Variants in CFAP45 observed in about 807,000 individuals in gnomAD.
CFAP45 encodes cilia- and flagella-associated protein 45.
Under a neutral mutation model 75.6 loss-of-function variants are expected in CFAP45, and 43 were observed. That is an observed-to-expected ratio of 0.57 (90% CI 0.45 to 0.73). CFAP45 has a LOEUF of 0.73. Ranked by LOEUF, CFAP45 falls within the 30% of genes least tolerant of loss-of-function variation. The pLI is 0.00. For missense variants in CFAP45, 689 were observed against 701.5 expected (o/e 0.98, Z 0.20); for synonymous variants, 223 against 244.6 (o/e 0.91, Z 0.82).
intron 6 of CFAP45, 123 bp downstream of exon 6, chr1:159,886,388 T>C (rs1452747076): frequency 7.8e-6 from 7 of 896,082 alleles, no homozygotes; most frequent in African/African-American, 3.3e-5. Context: ...TCGTAAAGTT[T>C]TGAGATAATA....
At chr1:159,890,857 C>G (rs1649812546) in intron 2 of CFAP45, among the ~76,000 whole-genome samples, 1 of 147,234 alleles carries the variant, frequency 6.8e-6, no homozygotes, top group Admixed American at 7.1e-5. Flanking sequence ...CTCCCGGGTT[C>G]AAGCAATTCT....
At chr1:159,893,415 A>C in intron 1 of CFAP45, 110 bp from the exon 2 acceptor site, 1 of 1,047,436 alleles carries the variant, frequency 9.5e-7, no homozygotes, top group Non-Finnish European at 1.5e-6. Flanking sequence ...CATGTGAAAA[A>C]GAAACAGTTA....
intron 2 of CFAP45, among the ~76,000 whole-genome samples, chr1:159,892,492 A>C (rs1366636919): frequency 6.6e-6 from 1 of 152,156 alleles, no homozygotes; most frequent in Non-Finnish European, 1.5e-5. Context: ...CCACTGGCAG[A>C]GGCATTCAGG....
chr1:159,872,620 G>A, intron 11 of CFAP45, 57 bp from the exon 12 acceptor site: 1 of 1,473,520 alleles, frequency 6.8e-7, no homozygotes, highest in Non-Finnish European at 9.5e-7. Context: ...CAGGAGGTGG[G>A]AGGAAGCAGG....
intron 10 of CFAP45, among the ~76,000 whole-genome samples, chr1:159,874,785 A>G (rs539569773): frequency 2.0e-5 from 3 of 152,352 alleles, no homozygotes; most frequent in East Asian, 3.9e-4. Context: ...CTAATCCCAG[A>G]CCATTTAAAT....
At chr1:159,881,635 A>G (rs1038056658) in intron 7 of CFAP45, among the ~76,000 whole-genome samples, 5 of 152,242 alleles carry the variant, frequency 3.3e-5, no homozygotes, top group Non-Finnish European at 7.3e-5. Flanking sequence ...GGCATGTGAG[A>G]AAGGAAAGAA....
intron 7 of CFAP45, among the ~76,000 whole-genome samples, chr1:159,881,893 C>A (rs1184213334): frequency 1.3e-5 from 2 of 152,210 alleles, no homozygotes; most frequent in Non-Finnish European, 2.9e-5. Flanking sequence ...GATTAACTCA[C>A]CCCACCTCCC....
chr1:159,872,845 C>A, intron 11 of CFAP45, 99 bp downstream of exon 11: 1 of 1,187,778 alleles, frequency 8.4e-7, no homozygotes. Context: ...GCATCTCTGC[C>A]ATGGCCCTTC....
At position 159,886,546 on chromosome 1, in the gene CFAP45, C is replaced by G. The variant is rs762263186; in HGVS notation, c.732G>C (p.Glu244Asp). 2 of 1,614,164 alleles carry G rather than the reference C, an allele frequency of 1.2e-6. No homozygotes were observed. The highest frequency in any genetic ancestry group is 1.7e-6 in the Non-Finnish European group (2 of 1,180,022). ...CCTCCCTCCTCTTCCTCTCCAGTTC[C>G]TCCTGCCTTTGAATGGATTTCTGCC... ...VERQKSIQRQ[E>D]ELERKRREER... Residue 244 changes from glutamate (E) to aspartate (D), a missense_variant, in exon 6 of 12, where the codon GAG (glutamate) becomes GAC (aspartate). Transcript: ENST00000368099.
intron 1 of CFAP45, among the ~76,000 whole-genome samples, chr1:159,899,780 T>A (rs887061457): frequency 5.9e-5 from 9 of 152,098 alleles, no homozygotes; most frequent in Admixed American, 5.2e-4. Flanking sequence ...CAGTGCTTTT[T>A]CCCACACCAC....
At chr1:159,900,072 G>C (rs542687245) in intron 1 of CFAP45, 24 bp downstream of exon 1, 4 of 1,613,882 alleles carry the variant, frequency 2.5e-6, no homozygotes, top group Non-Finnish European at 3.4e-6. Context: ...GGACACAAGG[G>C]GCCCATCTGA....
intron 3 of CFAP45, among the ~76,000 whole-genome samples, chr1:159,889,995 C>A (rs899321072): frequency 3.9e-5 from 6 of 152,176 alleles, no homozygotes; most frequent in Admixed American, 6.5e-5. Context: ...TGAGCTAATC[C>A]CAAAGGAACC....
chr1:159,899,430 C>A (rs867474825), intron 1 of CFAP45, among the ~76,000 whole-genome samples: 36 of 150,140 alleles, frequency 2.4e-4, no homozygotes, highest in Middle Eastern at 3.5e-3. Context: ...AAAACAGGTA[C>A]CACGACCCAT....
chr1:159,887,973 C>A lies in CFAP45; in HGVS notation c.456G>T (p.Lys152Asn), dbSNP rs754324447. 90 of 1,614,112 alleles carry A rather than the reference C, an allele frequency of 5.6e-5. 2 individuals are homozygous for A. The South Asian group carries it at 9.8e-4, about 18-fold the overall frequency. ...VMTRKKIMKQ[K>N]EMVWNNNKKL... ...TCTTGTTGTTGTTCCACACCATCTCCTTCTGTTTCATGATCTTCTTTCGTG... is the reference window on the plus strand; with the variant it reads ...TCTTGTTGTTGTTCCACACCATCTCATTCTGTTTCATGATCTTCTTTCGTG... The change falls in exon 5 of 12, where the codon AAG (lysine) becomes AAT (asparagine). Residue 152 changes from lysine to asparagine, a missense_variant. By Grantham distance (94) the Lys-to-Asn change is moderately conservative. Transcript: ENST00000368099.
intron 1 of CFAP45, chr1:159,898,254 G>C: frequency 1.0e-6 from 1 of 985,100 alleles, no homozygotes; most frequent in Non-Finnish European, 1.2e-6. Flanking sequence ...CTTCAATTGG[G>C]ACCAAGTTGG....
chr1:159,892,641 G>C (rs929987169), intron 2 of CFAP45, among the ~76,000 whole-genome samples: 1 of 152,080 alleles, frequency 6.6e-6, no homozygotes, highest in African/African-American at 2.4e-5. Context: ...ATCAGTCAAA[G>C]CTCTACTATC....
In CFAP45 at chr1:159,877,435, G is replaced by C. The variant is rs762869231; in HGVS notation, c.1072C>G (p.Gln358Glu). Residue 358 changes from glutamine (Q) to glutamate (E), a missense_variant, in exon 9 of 12, where the codon CAG becomes GAG. Transcript: ENST00000368099. ...TCTTTCTCCCTCCGGATTCTCTCCT[G>C]CTCAGCCTCAAACTCTGCTTCTCGA... Reference protein sequence around the residue: ...MAREAEFEAEQERIRREKEKE... With the variant: ...MAREAEFEAEEERIRREKEKE... 1 of 1,613,980 alleles carries C rather than the reference G, an allele frequency of 6.2e-7. No homozygotes were observed. The highest frequency in any genetic ancestry group is 2.2e-5 in the East Asian group (1 of 44,882).
chr1:159,890,659 C>T, intron 2 of CFAP45, 37 bp from the exon 3 acceptor site: 1 of 1,605,742 alleles, frequency 6.2e-7, no homozygotes, highest in Non-Finnish European at 8.5e-7. Flanking sequence ...AAGCTTGTCA[C>T]CCCCACTTCC....
chr1:159,899,978 C>T lies in CFAP45; in HGVS notation c.3+118G>A, dbSNP rs543749745. ...GCTTCTTCTAGAGGTGTTCTCCTTA[C>T]TCCTGGGCCCTCCTGACCCCTAGAC... is the stretch of plus-strand genomic sequence containing the variant. On this transcript the variant is annotated intron_variant, in intron 1 of 11. Transcript: ENST00000368099. The T allele has an allele frequency of 3.1e-3, 3,372 of 1,071,176 alleles. 3 individuals are homozygous for T. Among genetic ancestry groups the T allele is most frequent in the Non-Finnish European group, 4.4e-3 (3,156 of 722,680 alleles). 66.4% of individuals were successfully genotyped at this position (1,071,176 alleles called of 1,614,324 possible).
Sources: gnomAD v4.1 joint callset for allele counts (sites outside exome capture counted in the v4.1 genomes callset) on GRCh38, gnomAD v4.1.1 for gene constraint, MANE v1.5 for transcripts, NCBI Gene and HGNC (gene_info 2026-07-23, HGNC 2026-07-21) for gene names.